ARL15: variants seen among roughly 807,000 people sequenced by gnomAD.
The protein encoded by ARL15 is ARF like GTPase 15, also known as ADP-ribosylation factor-like protein 15.
A neutral mutation model predicts 25.2 loss-of-function variants in ARL15; 19 were observed. The ratio of observed to expected loss-of-function variants is 0.75; its 90% CI spans 0.53 to 1.10. The LOEUF is 1.10. ARL15 is among the 50% of genes least tolerant of loss of function. The pLI is 0.00. For missense variants in ARL15, 220 were observed against 246.0 expected (o/e 0.89, Z 0.71); for synonymous variants, 94 against 86.8 (o/e 1.08, Z -0.46).
rs574554567 is a variant in ARL15, at chr5:54,192,513, G to A, written c.49-20585C>T. Among the ~76,000 whole-genome samples, 73 of 151,782 alleles carry A rather than the reference G, an allele frequency of 4.8e-4. 1 individual carries two copies. The highest frequency in any genetic ancestry group is 2.2e-3 in the Admixed American group (33 of 15,228). On this transcript the variant is annotated intron_variant, in intron 1 of 4. Coordinates refer to ENST00000504924, the MANE Select transcript of ARL15 (RefSeq NM_019087.3). ...GTTGATGGAATTCTATATTCTAGCC[G>A]CATTTTTCTTGAATGGAAGGAACAT...
At chr5:54,134,309 A>C (rs1288618739) in intron 3 of ARL15, among the ~76,000 whole-genome samples, 3 of 152,218 alleles carry the variant, frequency 2.0e-5, no homozygotes, top group African/African-American at 7.2e-5. Context: ...AGTCTCTTAC[A>C]GTATCCTTGG....
chr5:54,142,802 G>T (rs557535557), intron 3 of ARL15, among the ~76,000 whole-genome samples: 35 of 152,226 alleles, frequency 2.3e-4, no homozygotes, highest in African/African-American at 7.5e-4. Context: ...TCCTTTTATG[G>T]ATCATGCTTT....
rs985130975 is a variant in ARL15, at chr5:54,223,249, A to G, written c.49-51321T>C. ...CTACTTATATTTTTTATTAAAATTTACATCATGTAAAAAAATTATGTCCAA... is the reference window on the plus strand; with the variant it reads ...CTACTTATATTTTTTATTAAAATTTGCATCATGTAAAAAAATTATGTCCAA... On this transcript the variant is annotated intron_variant, in intron 1 of 4. Coordinates refer to ENST00000504924, the MANE Select transcript of ARL15 (RefSeq NM_019087.3). 2.0e-5 allele frequency among the ~76,000 whole-genome samples: 3 copies of G among 152,142 alleles called. No individual in the cohort carries two copies. In the South Asian group the frequency reaches 6.2e-4, roughly 32 times the overall value.
At chr5:54,179,363 G>C (rs1254306524) in intron 1 of ARL15, among the ~76,000 whole-genome samples, 2 of 152,160 alleles carry the variant, frequency 1.3e-5, no homozygotes, top group Non-Finnish European at 2.9e-5. Context: ...TTGAGGAGGT[G>C]AAAGAGTGCT....
intron 4 of ARL15, among the ~76,000 whole-genome samples, chr5:54,059,151 T>C (rs1165529766): frequency 6.6e-6 from 1 of 152,216 alleles, no homozygotes; most frequent in African/African-American, 2.4e-5. Context: ...TTGCTTTTTT[T>C]CTTCTATAGA....
chr5:54,093,704 AAG>A (rs1554039962), intron 4 of ARL15, among the ~76,000 whole-genome samples: 1 of 151,604 alleles, frequency 6.6e-6, no homozygotes, highest in Non-Finnish European at 1.5e-5. Flanking sequence ...AAAAAAAAAA[AAG>A]AAAAAAGACT....
chr5:54,286,951 C>T (rs1758196631), intron 1 of ARL15, among the ~76,000 whole-genome samples: 1 of 151,502 alleles, frequency 6.6e-6, no homozygotes, highest in Non-Finnish European at 1.5e-5. Flanking sequence ...TCACTGCTGC[C>T]TGGACCTCCT....
chr5:54,162,024 C>CACACAGAGAG (rs148833900), intron 2 of ARL15, among the ~76,000 whole-genome samples: 1 of 145,340 alleles, frequency 6.9e-6, no homozygotes, highest in Non-Finnish European at 1.5e-5. Context: ...CACACACACA[C>CACACAGAGAG]AGAGAGAGAT....
chr5:54,178,040 C>T (rs1287051767), intron 1 of ARL15, among the ~76,000 whole-genome samples: 1 of 152,128 alleles, frequency 6.6e-6, no homozygotes. Flanking sequence ...ATTCTTGGTC[C>T]TATTATAGGT....
chr5:54,286,866 C>CTTTTTT (rs529169299), intron 1 of ARL15, among the ~76,000 whole-genome samples: 1 of 126,232 alleles, frequency 7.9e-6, no homozygotes, highest in African/African-American at 2.9e-5. Flanking sequence ...ATTTGCAGGG[C>CTTTTTT]TTTTTTTTTT....
intron 4 of ARL15, among the ~76,000 whole-genome samples, chr5:54,000,907 C>A (rs570591087): frequency 3.5e-4 from 53 of 152,260 alleles, no homozygotes; most frequent in African/African-American, 1.1e-3. Context: ...ACTGTGCAGT[C>A]GCCTAAGACC....
chr5:54,173,777 C>T (rs1023177597), intron 1 of ARL15, among the ~76,000 whole-genome samples: 4 of 152,074 alleles, frequency 2.6e-5, no homozygotes, highest in African/African-American at 2.4e-5. Flanking sequence ...GCCCAGCTCT[C>T]GAGCCCAAAC....
chr5:54,029,287 G>A (rs1749885262), intron 4 of ARL15, among the ~76,000 whole-genome samples: 1 of 149,750 alleles, frequency 6.7e-6, no homozygotes, highest in Non-Finnish European at 1.5e-5. Flanking sequence ...CTGGAAAATA[G>A]TTAATTTATA....
intron 4 of ARL15, among the ~76,000 whole-genome samples, chr5:53,929,170 CA>C (rs3990747): frequency 0.14 from 19,815 of 142,112 alleles, 1,896 homozygotes; most frequent in African/African-American, 0.29. Context: ...AAATAAGTTC[CA>C]AAAAAAAAAA....
intron 1 of ARL15, among the ~76,000 whole-genome samples, chr5:54,196,312 T>C (rs1755548082): frequency 6.6e-6 from 1 of 152,076 alleles, no homozygotes. Context: ...TGCAGCTTTT[T>C]CCACTATTTA....
chr5:54,207,961 G>A (rs970665118), intron 1 of ARL15, among the ~76,000 whole-genome samples: 6 of 152,160 alleles, frequency 3.9e-5, no homozygotes, highest in South Asian at 4.1e-4. Context: ...TATTAAAGCA[G>A]GAGTATTGTA....
At chr5:53,952,970 G>A (rs894336194) in intron 4 of ARL15, among the ~76,000 whole-genome samples, 1 of 152,246 alleles carries the variant, frequency 6.6e-6, no homozygotes, top group Admixed American at 6.5e-5. Context: ...TCTCAAAGCA[G>A]AGGGAGAGGG....
Position 53,886,657 on chromosome 5 carries a change from C to G in ARL15, c.519G>C (p.Gln173His), listed in dbSNP as rs754427607. The change falls in exon 5 of 5, where the codon CAG (glutamine) becomes CAC (histidine). Residue 173 changes from glutamine to histidine, a missense_variant. Coordinates refer to ENST00000504924, the MANE Select transcript of ARL15 (RefSeq NM_019087.3). ...CATCCATGTCATCCAGTGAGCAGGG[C>G]TGTAGAATCCAGCGTTTTCCACGTG... ...PLARGKRWILQPCSLDDMDAL... is the reference protein window; with the variant it reads ...PLARGKRWILHPCSLDDMDAL... The G allele has an allele frequency of 9.5e-6, 15 of 1,576,098 alleles. No homozygotes were observed. The highest frequency in any genetic ancestry group is 1.3e-5 in the Non-Finnish European group (15 of 1,159,430).
chr5:54,257,765 T>C (rs1757403593), intron 1 of ARL15, among the ~76,000 whole-genome samples: 1 of 152,180 alleles, frequency 6.6e-6, no homozygotes, highest in Non-Finnish European at 1.5e-5. Context: ...CCTGCATCTA[T>C]TCCAAGCCCA....
Sources: gnomAD v4.1 joint callset for allele counts (sites outside exome capture counted in the v4.1 genomes callset) on GRCh38, gnomAD v4.1.1 for gene constraint, MANE v1.5 for transcripts, NCBI Gene and HGNC (gene_info 2026-07-23, HGNC 2026-07-21) for gene names.